Variants in DCLK1 observed in about 807,000 individuals in gnomAD.
The protein encoded by DCLK1 is serine/threonine-protein kinase DCLK1.
Under a neutral mutation model 86.2 loss-of-function variants are expected in DCLK1, and 16 were observed. That is an observed-to-expected ratio of 0.19 (90% CI 0.13 to 0.28). The LOEUF (loss-of-function observed/expected upper bound fraction) is 0.28. DCLK1 is among the 10% of genes least tolerant of loss of function. The pLI, the probability that DCLK1 is intolerant of heterozygous loss-of-function variation, is 1.00. For synonymous variants in DCLK1, 369 were observed against 370.5 expected (o/e 1.00, Z 0.05); for missense variants, 590 against 940.2 (o/e 0.63, Z 4.87).
At chr13:35,870,338 C>T (rs1230552478) in intron 5 of DCLK1, among the ~76,000 whole-genome samples, 2 of 152,146 alleles carry the variant, frequency 1.3e-5, no homozygotes, top group Non-Finnish European at 2.9e-5. Context: ...TGGCCCCTGA[C>T]CTATAATGAT....
At chr13:36,049,176 A>G (rs1883039181) in intron 3 of DCLK1, among the ~76,000 whole-genome samples, 1 of 152,142 alleles carries the variant, frequency 6.6e-6, no homozygotes, top group African/African-American at 2.4e-5. Context: ...TGTTTTCTGG[A>G]CCTCCTGATT....
chr13:35,851,305 C>T (rs1472716334), intron 6 of DCLK1, among the ~76,000 whole-genome samples: 3 of 152,092 alleles, frequency 2.0e-5, no homozygotes, highest in Non-Finnish European at 2.9e-5. Context: ...AATTAACCCA[C>T]CTCACCCCAA....
intron 3 of DCLK1, among the ~76,000 whole-genome samples, chr13:36,014,942 C>T (rs547208199): frequency 6.6e-6 from 1 of 152,010 alleles, no homozygotes; most frequent in Admixed American, 6.6e-5. Context: ...CTTAAACATC[C>T]TTTTCCCCTA....
chr13:35,871,470 G>A (rs2153114721), intron 4 of DCLK1, 130 bp from the exon 5 acceptor site: 2 of 773,450 alleles, frequency 2.6e-6, no homozygotes, highest in East Asian at 2.5e-5. Flanking sequence ...CACCAGCTGG[G>A]TTCTTGTCTA....
chr13:36,034,161 A>G (rs1490478534), intron 3 of DCLK1, among the ~76,000 whole-genome samples: 1 of 152,192 alleles, frequency 6.6e-6, no homozygotes, highest in Non-Finnish European at 1.5e-5. Flanking sequence ...AAAAATTTTA[A>G]ACAAATTAGT....
intron 3 of DCLK1, among the ~76,000 whole-genome samples, chr13:35,963,896 C>T (rs1453008127): frequency 6.6e-6 from 1 of 152,138 alleles, no homozygotes; most frequent in Admixed American, 6.6e-5. Flanking sequence ...GTCAACTAAA[C>T]CTCTTTATAA....
rs1234480429 is a variant in DCLK1, at chr13:36,036,338, C to T, written c.723+75531G>A. ...TCTCTGCTGCTGCTGTGCACTCTAC[C>T]GCTTCAATAAACCCTGCTGTCCAAC... On this transcript the variant is annotated intron_variant, in intron 3 of 16. Coordinates refer to ENST00000360631, the MANE Select transcript of DCLK1 (RefSeq NM_001330071.2). 2.6e-5 allele frequency among the ~76,000 whole-genome samples: 4 copies of T among 152,200 alleles called. No individual in the cohort carries two copies. The East Asian group carries it at 5.8e-4, about 22-fold the overall frequency.
chr13:35,813,791 G>C (rs1185021672), intron 11 of DCLK1, among the ~76,000 whole-genome samples: 2 of 144,896 alleles, frequency 1.4e-5, no homozygotes, highest in African/African-American at 5.1e-5. Flanking sequence ...AACATAAAGA[G>C]GTTCAAGGGA....
At chr13:35,892,350 C>T (rs1350421295) in intron 4 of DCLK1, among the ~76,000 whole-genome samples, 1 of 152,196 alleles carries the variant, frequency 6.6e-6, no homozygotes, top group Non-Finnish European at 1.5e-5. Context: ...ACATTATTAA[C>T]CCCCACTGTA....
chr13:36,069,082 G>T (rs1490267898), intron 3 of DCLK1, among the ~76,000 whole-genome samples: 1 of 152,114 alleles, frequency 6.6e-6, no homozygotes, highest in Non-Finnish European at 1.5e-5. Flanking sequence ...ATAATCCCAT[G>T]AGACACTTAG....
intron 3 of DCLK1, among the ~76,000 whole-genome samples, chr13:36,110,198 A>G (rs1885561220): frequency 6.6e-6 from 1 of 152,334 alleles, no homozygotes; most frequent in Admixed American, 6.5e-5. Flanking sequence ...AACTCATTAG[A>G]AATGGAGCCA....
intron 6 of DCLK1, among the ~76,000 whole-genome samples, chr13:35,853,949 A>G (rs1870855500): frequency 6.6e-6 from 1 of 152,196 alleles, no homozygotes; most frequent in Non-Finnish European, 1.5e-5. Context: ...AACAGTTTCC[A>G]GTAACTTTTT....
At chr13:35,957,937 T>TATAACCACCATCACC (rs1566620076) in intron 3 of DCLK1, among the ~76,000 whole-genome samples, 10 of 2,714 alleles carry the variant, frequency 3.7e-3, no homozygotes, top group East Asian at 0.017. Context: ...CCATCACCAC[T>TATAACCACCATCACC]ACCACTACTA....
rs11294824 is a variant in DCLK1 at position 35,976,525 on chromosome 13, G to GTTTTTTTTTTTTTTTTTTTTTTTTTTT, written c.724-29069_724-29068insAAAAAAAAAAAAAAAAAAAAAAAAAAA. 9.0e-4 allele frequency among the ~76,000 whole-genome samples: 51 copies of GTTTTTTTTTTTTTTTTTTTTTTTTTTT among 56,364 alleles called. 12 individuals are homozygous for GTTTTTTTTTTTTTTTTTTTTTTTTTTT. Among genetic ancestry groups the GTTTTTTTTTTTTTTTTTTTTTTTTTTT allele is most frequent in the Admixed American group, 1.5e-3 (5 of 3,270 alleles). The allele number at this position is 56,364 out of a possible 152,430, so 37.0% of individuals were successfully genotyped here. On this transcript the variant is annotated intron_variant, in intron 3 of 16. Transcript: ENST00000360631. ...CTCCCAGCACTTCAGCTTCTCCGAG[G>GTTTTTTTTTTTTTTTTTTTTTTTTTTT]TTTTTTTTTTTTTTTTTTTTTTTGA...
At chr13:35,779,813 C>T (rs1366861057) in intron 16 of DCLK1, among the ~76,000 whole-genome samples, 1 of 152,100 alleles carries the variant, frequency 6.6e-6, no homozygotes, top group Non-Finnish European at 1.5e-5. Context: ...ACAAAATTAA[C>T]TTGACTCTAA....
chr13:35,946,576 T>G (rs1299972164), intron 4 of DCLK1, among the ~76,000 whole-genome samples: 1 of 152,204 alleles, frequency 6.6e-6, no homozygotes, highest in Non-Finnish European at 1.5e-5. Flanking sequence ...TTCATTATCA[T>G]TTCAAAAAGC....
chr13:36,052,419 C>A (rs1317933582), intron 3 of DCLK1, among the ~76,000 whole-genome samples: 1 of 152,060 alleles, frequency 6.6e-6, no homozygotes, highest in African/African-American at 2.4e-5. Flanking sequence ...ATTCCTGGGT[C>A]ACTCAGCAAG....
intron 3 of DCLK1, among the ~76,000 whole-genome samples, chr13:35,965,412 T>C (rs1014225227): frequency 2.0e-5 from 3 of 152,224 alleles, no homozygotes; most frequent in African/African-American, 7.2e-5. Flanking sequence ...TCTGGAGCTT[T>C]TGTACTGCGT....
At chr13:35,968,236 G>A (rs1004081281) in intron 3 of DCLK1, among the ~76,000 whole-genome samples, 1 of 152,174 alleles carries the variant, frequency 6.6e-6, no homozygotes, top group Non-Finnish European at 1.5e-5. Context: ...CTGGAGTGAG[G>A]AGGAATAGAG....
Sources: allele counts gnomAD v4.1 joint callset (sites outside exome capture counted in the v4.1 genomes callset), GRCh38; gene constraint gnomAD v4.1.1; transcripts MANE v1.5; gene names NCBI Gene and HGNC (gene_info 2026-07-23, HGNC 2026-07-21).